The following ELP3 variants were observed in gnomAD, a reference collection of about 807,000 sequenced individuals.
The protein encoded by ELP3 is elongator acetyltransferase complex subunit 3.
ELP3 carries 56 observed loss-of-function variants against 74.9 expected under a neutral mutation model. The observed-to-expected ratio is 0.75, with a 90% CI of 0.60 to 0.93. The LOEUF (loss-of-function observed/expected upper bound fraction) is 0.93, where lower values mean the gene tolerates loss of function less well. Among genes scored for constraint, ELP3 ranks in the 40% least tolerant of loss-of-function variants. The probability of loss-of-function intolerance (pLI) is 0.00; values close to 1 mark genes in which losing one functional copy is unlikely to be tolerated. For missense variants in ELP3, 573 were observed against 686.5 expected, an observed-to-expected ratio of 0.83 and a Z score of 1.85; for synonymous variants, 222 against 239.8, an observed-to-expected ratio of 0.93 and a Z score of 0.68.
At chr8:28,128,527 C>T (rs1035922626) in intron 7 of ELP3, among the ~76,000 whole-genome samples, 16 of 152,030 alleles carry the variant, frequency 1.1e-4, no homozygotes, top group African/African-American at 1.4e-4. Context: ...GGTGGGTCCA[C>T]GCTGAGTTGT....
intron 7 of ELP3, among the ~76,000 whole-genome samples, chr8:28,118,200 C>T (rs1043129559): frequency 6.6e-6 from 1 of 152,038 alleles, no homozygotes; most frequent in Non-Finnish European, 1.5e-5. Flanking sequence ...GTATTGTGAC[C>T]TATGAGTCAG....
At chr8:28,116,013 CCTG>C (rs1298204845) in intron 7 of ELP3, among the ~76,000 whole-genome samples, 1 of 151,856 alleles carries the variant, frequency 6.6e-6, no homozygotes, top group Non-Finnish European at 1.5e-5. Flanking sequence ...TTTTTATTAC[CCTG>C]TAAGTAAAGC....
At chr8:28,099,718 G>A in intron 2 of ELP3, 110 bp from the exon 3 acceptor site, 2 of 1,189,282 alleles carry the variant, frequency 1.7e-6, no homozygotes, top group Non-Finnish European at 2.5e-6. Flanking sequence ...GTCACGTGGT[G>A]AAGGGATTGG....
chr8:28,114,127 CCTT>C (rs1214489166), intron 7 of ELP3, among the ~76,000 whole-genome samples: 1 of 151,412 alleles, frequency 6.6e-6, no homozygotes, highest in African/African-American at 2.4e-5. Flanking sequence ...TTTAACAAAT[CCTT>C]CTTGAGGGCC....
intron 9 of ELP3, among the ~76,000 whole-genome samples, chr8:28,134,429 C>CATAT (rs1222278370): frequency 2.0e-5 from 3 of 152,152 alleles, no homozygotes; most frequent in African/African-American, 7.2e-5. Context: ...ATGAGTGGAT[C>CATAT]ATATTTCTTT....
intron 9 of ELP3, among the ~76,000 whole-genome samples, chr8:28,133,428 C>CTTTTTTTTTT (rs34048650): frequency 3.0e-5 from 4 of 135,562 alleles, no homozygotes; most frequent in Non-Finnish European, 4.7e-5. Context: ...CTTTTTTTTC[C>CTTTTTTTTTT]TTTTTTTTTT....
intron 7 of ELP3, among the ~76,000 whole-genome samples, chr8:28,115,605 A>G (rs1409762391): frequency 6.6e-6 from 1 of 152,158 alleles, no homozygotes; most frequent in African/African-American, 2.4e-5. Context: ...CTTTGAGTTA[A>G]GTGTTCAGAT....
rs1813474155 is a variant in ELP3, at chr8:28,147,391, G to A, written c.1101-8551G>A. On this transcript the variant is annotated intron_variant, in intron 10 of 14. Coordinates refer to ENST00000256398, the MANE Select transcript of ELP3 (RefSeq NM_018091.6). This position sits in a 1 kb window ranked among gnomAD's most constrained non-coding sequence, Gnocchi z 4.5. Reference sequence around the variant, plus strand: ...GCAGAGATGGCAACTGCAGTTGTTGGGAGATTAGTTACATTGAGCAAAGAA... The same window carrying A: ...GCAGAGATGGCAACTGCAGTTGTTGAGAGATTAGTTACATTGAGCAAAGAA... Among the ~76,000 whole-genome samples the A allele has an allele frequency of 6.6e-6, 1 of 152,190 alleles. No individual in the cohort carries two copies. The highest frequency in any genetic ancestry group is 2.4e-5 in the African/African-American group (1 of 41,442).
At chr8:28,130,390 G>A (rs1014723848) in intron 8 of ELP3, among the ~76,000 whole-genome samples, 1 of 152,124 alleles carries the variant, frequency 6.6e-6, no homozygotes, top group African/African-American at 2.4e-5. Context: ...GGTGTGATTG[G>A]TGTTGTGCCA....
intron 4 of ELP3, 41 bp from the exon 5 acceptor site, chr8:28,107,872 G>A (rs1481176690): frequency 2.5e-6 from 4 of 1,572,918 alleles, no homozygotes; most frequent in Non-Finnish European, 3.5e-6. Flanking sequence ...ATTGAACTCA[G>A]TTTTGCATCT....
intron 13 of ELP3, 119 bp from the exon 14 acceptor site, chr8:28,161,878 T>G: frequency 2.3e-6 from 2 of 888,594 alleles, no homozygotes; most frequent in Non-Finnish European, 3.5e-6. Flanking sequence ...ATAAGTGGGC[T>G]TTTTCACTCT....
At chr8:28,132,891 A>G (rs1812833884) in intron 9 of ELP3, among the ~76,000 whole-genome samples, 1 of 152,118 alleles carries the variant, frequency 6.6e-6, no homozygotes, top group Non-Finnish European at 1.5e-5. Context: ...CAGGTAAATG[A>G]CTTTATGTGT....
chr8:28,160,875 A>G lies in ELP3; in HGVS notation c.1485+419A>G, dbSNP rs1814057370. 3.3e-5 allele frequency among the ~76,000 whole-genome samples: 5 copies of G among 152,222 alleles called. No individual in the cohort carries two copies. The South Asian group carries it at 1.0e-3, about 32-fold the overall frequency. ...ATGCCTGACTAATTTTTGTATTTTT[A>G]GTAGAGATGGGGTTTCACCATGTTG... On this transcript the variant is annotated intron_variant, in intron 13 of 14. Transcript: ENST00000256398.
At chr8:28,183,023 ACTC>A (rs1308394130) in intron 14 of ELP3, among the ~76,000 whole-genome samples, 2 of 151,508 alleles carry the variant, frequency 1.3e-5, no homozygotes, top group African/African-American at 4.9e-5. Context: ...GAATAACTCT[ACTC>A]CTCTCGGCCC....
At chr8:28,097,373 T>C (rs889653724) in intron 2 of ELP3, 55 bp downstream of exon 2, 1 of 1,186,658 alleles carries the variant, frequency 8.4e-7, no homozygotes, top group Non-Finnish European at 1.2e-6. Flanking sequence ...ATCTCTTTTA[T>C]GAAATTATCT....
chr8:28,154,703 C>T (rs774774916), intron 10 of ELP3, among the ~76,000 whole-genome samples: 1 of 152,162 alleles, frequency 6.6e-6, no homozygotes, highest in Admixed American at 6.5e-5. Flanking sequence ...CTTCATTTAG[C>T]GTCATCTGAT....
At chr8:28,171,658 T>C (rs1416336142) in intron 14 of ELP3, among the ~76,000 whole-genome samples, 6 of 152,200 alleles carry the variant, frequency 3.9e-5, no homozygotes, top group African/African-American at 1.4e-4. Flanking sequence ...AGTTTGTAAT[T>C]TTAATGAAGT....
At chr8:28,174,762 G>A (rs1170939019) in intron 14 of ELP3, among the ~76,000 whole-genome samples, 3 of 152,076 alleles carry the variant, frequency 2.0e-5, no homozygotes, top group Admixed American at 2.0e-4. Flanking sequence ...ATGGTTCCAA[G>A]TTACTGCCTA....
At chr8:28,151,818 A>G (rs189633648) in intron 10 of ELP3, among the ~76,000 whole-genome samples, 1 of 152,178 alleles carries the variant, frequency 6.6e-6, no homozygotes, top group Non-Finnish European at 1.5e-5. Context: ...TCATGTTTCA[A>G]AATGGTTTCT....
Sources: allele counts gnomAD v4.1 joint callset (sites outside exome capture counted in the v4.1 genomes callset), GRCh38; gene constraint gnomAD v4.1.1; non-coding constraint Gnocchi (gnomAD v3.1); transcripts MANE v1.5; gene names NCBI Gene and HGNC (gene_info 2026-07-23, HGNC 2026-07-21).